LUZP2: variants seen among roughly 807,000 people sequenced by gnomAD.
LUZP2 encodes leucine zipper protein 2.
A neutral mutation model predicts 51.6 loss-of-function variants in LUZP2; 52 were observed. The observed-to-expected ratio is 1.01, with a 90% CI of 0.81 to 1.27. The LOEUF (loss-of-function observed/expected upper bound fraction) is 1.27, where lower values mean the gene tolerates loss of function less well. Among genes scored for constraint, LUZP2 ranks in the 50% most tolerant of loss-of-function variants. The pLI is 0.00. For missense variants in LUZP2, 436 were observed against 395.4 expected (o/e 1.10, Z -0.87); for synonymous variants, 154 against 137.3 (o/e 1.12, Z -0.85).
intron 1 of LUZP2, among the ~76,000 whole-genome samples, chr11:24,654,516 G>C (rs1855737827): frequency 6.6e-6 from 1 of 151,972 alleles, no homozygotes. Flanking sequence ...CTGGGCTCAA[G>C]AGTTTCTCTT....
At chr11:24,498,178 C>G (rs1296578986) in intron 1 of LUZP2, among the ~76,000 whole-genome samples, 3 of 152,090 alleles carry the variant, frequency 2.0e-5, no homozygotes. Context: ...ATTCTGCATG[C>G]CCTTAGCATC....
chr11:24,724,561 A>T (rs977738735), intron 1 of LUZP2, among the ~76,000 whole-genome samples: 1 of 152,168 alleles, frequency 6.6e-6, no homozygotes, highest in Non-Finnish European at 1.5e-5. Flanking sequence ...GCAGAGCCAG[A>T]CCCTGTCTCA....
At chr11:24,626,778 C>T (rs1433834584) in intron 1 of LUZP2, among the ~76,000 whole-genome samples, 1 of 151,920 alleles carries the variant, frequency 6.6e-6, no homozygotes, top group Non-Finnish European at 1.5e-5. Context: ...TTTTCTGAAC[C>T]TGATCAACAT....
Position 24,826,175 on chromosome 11 carries a change from C to CA in LUZP2, c.396+62883dup, listed in dbSNP as rs10625331. On this transcript the variant is annotated intron_variant, in intron 5 of 11. Coordinates refer to ENST00000336930, the MANE Select transcript of LUZP2 (RefSeq NM_001009909.4). ...TAGGCGACAGAGCGAGACTCCATCT[C>CA]AAAAAAAAAAAAAAAATATATATAT... Among the ~76,000 whole-genome samples the CA allele has an allele frequency of 3.2e-3, 191 of 60,110 alleles. 2 individuals are homozygous for CA. Among genetic ancestry groups the CA allele is most frequent in the East Asian group, 7.7e-3 (12 of 1,556 alleles). The allele number at this position is 60,110 out of a possible 152,430, so 39.4% of individuals were successfully genotyped here.
intron 1 of LUZP2, among the ~76,000 whole-genome samples, chr11:24,591,385 A>C (rs1853256182): frequency 6.6e-6 from 1 of 152,170 alleles, no homozygotes; most frequent in Admixed American, 6.6e-5. Context: ...TTCTGAAGTC[A>C]AGGATTATGT....
intron 1 of LUZP2, among the ~76,000 whole-genome samples, chr11:24,614,868 C>T (rs1396741157): frequency 6.6e-6 from 1 of 151,926 alleles, no homozygotes; most frequent in Non-Finnish European, 1.5e-5. Flanking sequence ...TCTATCTCAA[C>T]CTCATAGACT....
rs143270464 is a variant in LUZP2, at chr11:24,849,022, G to T, written c.397-56969G>T. Among the ~76,000 whole-genome samples, 183 of 152,026 alleles carry T rather than the reference G, an allele frequency of 1.2e-3. 1 individual carries two copies. Among genetic ancestry groups the T allele is most frequent in the African/African-American group, 4.2e-3 (175 of 41,504 alleles). ...TATAAAGCCATCTCTCTACAAACAT[G>T]AACAAGAAAATGATGCCAATTCTCA... On this transcript the variant is annotated intron_variant, in intron 5 of 11. Transcript: ENST00000336930.
At chr11:24,648,600 C>A (rs1182019591) in intron 1 of LUZP2, among the ~76,000 whole-genome samples, 1 of 151,816 alleles carries the variant, frequency 6.6e-6, no homozygotes, top group Non-Finnish European at 1.5e-5. Flanking sequence ...ACAAATGGAA[C>A]CATAAGCCAC....
chr11:25,066,341 G>T (rs1390047504), intron 10 of LUZP2, among the ~76,000 whole-genome samples: 2 of 151,872 alleles, frequency 1.3e-5, no homozygotes, highest in African/African-American at 4.8e-5. Flanking sequence ...TTCAACACAA[G>T]ATTTATGATC....
chr11:24,686,883 T>C (rs1254789429), intron 1 of LUZP2, among the ~76,000 whole-genome samples: 5 of 152,268 alleles, frequency 3.3e-5, no homozygotes, highest in East Asian at 3.9e-4. Context: ...GAGTTGCTTG[T>C]TAACATTGAA....
intron 7 of LUZP2, among the ~76,000 whole-genome samples, chr11:24,932,762 C>T (rs927527011): frequency 3.3e-5 from 5 of 152,188 alleles, no homozygotes; most frequent in African/African-American, 9.7e-5. Context: ...TCAGGTTTCA[C>T]GCCTCCCTGC....
At chr11:25,001,438 T>C (rs1009870812) in intron 9 of LUZP2, among the ~76,000 whole-genome samples, 1 of 152,122 alleles carries the variant, frequency 6.6e-6, no homozygotes, top group East Asian at 1.9e-4. Context: ...TGTCAGACCT[T>C]TGTATGGTAA....
chr11:24,925,865 A>G (rs1304589492), intron 7 of LUZP2, among the ~76,000 whole-genome samples: 1 of 151,962 alleles, frequency 6.6e-6, no homozygotes, highest in African/African-American at 2.4e-5. Flanking sequence ...CACTGTACCC[A>G]ATGTGTAGTC....
At chr11:24,905,902 C>T (rs1297810853) in intron 5 of LUZP2, 89 bp from the exon 6 acceptor site, 4 of 869,436 alleles carry the variant, frequency 4.6e-6, no homozygotes, top group Non-Finnish European at 5.5e-6. Flanking sequence ...AATTTTTGAA[C>T]AGAACATAAA....
chr11:24,664,142 T>A (rs2133988075), intron 1 of LUZP2, among the ~76,000 whole-genome samples: 1 of 151,388 alleles, frequency 6.6e-6, no homozygotes, highest in African/African-American at 2.4e-5. Flanking sequence ...CACAGGAAAA[T>A]GTGGGAAAGT....
intron 9 of LUZP2, among the ~76,000 whole-genome samples, chr11:25,037,751 A>AT (rs907908714): frequency 1.3e-4 from 20 of 149,126 alleles, no homozygotes; most frequent in East Asian, 9.9e-4. Flanking sequence ...TTCTTGTTGG[A>AT]TTTTTTTTTT....
At chr11:24,588,659 T>A (rs1379029998) in intron 1 of LUZP2, among the ~76,000 whole-genome samples, 1 of 151,612 alleles carries the variant, frequency 6.6e-6, no homozygotes, top group Non-Finnish European at 1.5e-5. Context: ...GATTATATTT[T>A]AAAATAATAA....
At chr11:24,821,443 A>G in intron 5 of LUZP2, among the ~76,000 whole-genome samples, 1 of 152,144 alleles carries the variant, frequency 6.6e-6, no homozygotes. Context: ...TTAATTTAAG[A>G]TATATATCTA....
chr11:24,526,692 C>A (rs879385456), intron 1 of LUZP2, among the ~76,000 whole-genome samples: 2 of 151,230 alleles, frequency 1.3e-5, no homozygotes, highest in Admixed American at 1.3e-4. Flanking sequence ...TCACGATTAA[C>A]CTGAGTTTTA....
Sources: allele counts gnomAD v4.1 joint callset (sites outside exome capture counted in the v4.1 genomes callset), GRCh38; gene constraint gnomAD v4.1.1; transcripts MANE v1.5; gene names NCBI Gene and HGNC (gene_info 2026-07-23, HGNC 2026-07-21).